The following PARP12 variants were observed in gnomAD, a reference collection of about 807,000 sequenced individuals.
PARP12 encodes protein mono-ADP-ribosyltransferase PARP12.
In PARP12, 59 loss-of-function variants were observed where a neutral mutation model predicts 72.4. The ratio of observed to expected loss-of-function variants is 0.81; its 90% CI spans 0.66 to 1.01. The LOEUF (loss-of-function observed/expected upper bound fraction) is 1.01, where lower values mean the gene tolerates loss of function less well. Ranked by LOEUF, PARP12 falls within the 50% of genes least tolerant of loss-of-function variation. The pLI is 0.00. For synonymous variants in PARP12, 403 were observed against 371.4 expected, an observed-to-expected ratio of 1.09 and a Z score of -0.98; for missense variants, 851 against 914.0, an observed-to-expected ratio of 0.93 and a Z score of 0.89.
chr7:140,043,249 G>C (rs567576016), intron 5 of PARP12, among the ~76,000 whole-genome samples: 1 of 152,100 alleles, frequency 6.6e-6, no homozygotes, highest in Non-Finnish European at 1.5e-5. Flanking sequence ...GCTCAAAATC[G>C]ATCACAAAAT....
intron 5 of PARP12, 85 bp downstream of exon 5, chr7:140,046,799 A>AGT (rs3216987): frequency 0.089 from 76,697 of 865,988 alleles, 2,741 homozygotes; most frequent in Middle Eastern, 0.14. Context: ...GGCTGCTCAC[A>AGT]GTGTGTGTGT....
At position 140,057,880 on chromosome 7, in the gene PARP12, G is replaced by A; in HGVS notation, c.462+19C>T. 1 of 1,613,854 alleles carries A rather than the reference G, an allele frequency of 6.2e-7. No individual in the cohort carries two copies. Among genetic ancestry groups the A allele is most frequent in the Non-Finnish European group, 8.5e-7 (1 of 1,179,952 alleles). On this transcript the variant is annotated intron_variant, in intron 2 of 11. Transcript: ENST00000263549. Reference sequence around the variant, plus strand: ...TGTCCCCAGGGAGCTGTGGAACCCAGACTTCCCCTGGCACTCACTTCTGGC... The same window carrying A: ...TGTCCCCAGGGAGCTGTGGAACCCAAACTTCCCCTGGCACTCACTTCTGGC...
Position 140,062,807 on chromosome 7 carries a change from A to C in PARP12, c.41T>G (p.Leu14Arg). The C allele has an allele frequency of 7.1e-7, 1 of 1,411,002 alleles. No individual in the cohort carries two copies. Among genetic ancestry groups the C allele is most frequent in the Non-Finnish European group, 9.3e-7 (1 of 1,080,002 alleles). 87.4% of individuals were successfully genotyped at this position (1,411,002 alleles called of 1,614,324 possible). The change falls in exon 1 of 12, where the codon CTG becomes CGG. Residue 14 changes from leucine (L) to arginine (R), a missense_variant. Around this residue, in one of 3 missense-constraint regions of PARP12, gnomAD observed 492 missense variants for 489.3 expected, o/e 1.01. Transcript: ENST00000263549. The stretch of plus-strand genomic sequence containing the variant: ...CTCCAGGGCGCCCCCGGCCGCGCAC[A>C]GCACCTGGGTGACCTCACCGACGAC... ...AGVVGEVTQVLCAAGGALELP... is the reference protein window; with the variant it reads ...AGVVGEVTQVRCAAGGALELP...
At chr7:140,028,917 G>A (rs1295316171) in intron 8 of PARP12, 9 of 369,128 alleles carry the variant, frequency 2.4e-5, no homozygotes, top group South Asian at 7.2e-5. Flanking sequence ...TCTATTTCTC[G>A]CCTGTGTCCC....
Position 140,056,968 on chromosome 7 carries a change from G to C in PARP12, c.648C>G (p.Ser216Arg), listed in dbSNP as rs10236999. The change falls in exon 3 of 12, where the codon AGC becomes AGG. Residue 216 changes from serine (S) to arginine (R), a missense_variant. Ser to Arg is a moderately radical substitution (Grantham distance 110). This residue lies in a region of PARP12 where 492 missense variants were observed against 489.3 expected (regional missense o/e 1.01). Transcript: ENST00000263549. ...NLEKLEKLGM[S>R]SDLVSRLPTI... The stretch of plus-strand genomic sequence containing the variant: ...TAGGCAGCCTGCTCACCAGGTCTGA[G>C]CTCATACCCAACTTCTCCAATTTTT... 6.2e-7 allele frequency: 1 copy of C among 1,614,188 alleles called. No homozygotes were observed.
rs772640936 is a variant in PARP12 at position 140,056,885 on chromosome 7, G to A, written c.731C>T (p.Pro244Leu). 6.2e-6 allele frequency: 10 copies of A among 1,610,644 alleles called. No individual in the cohort carries two copies. Among genetic ancestry groups the A allele is most frequent in the Non-Finnish European group, 8.5e-6 (10 of 1,178,968 alleles). ...AGTCCCCTGTGGGACAAAAAGAGGAGGCACTCTGCTGGGGGCAGAGCTCTT... is the reference window on the plus strand; with the variant it reads ...AGTCCCCTGTGGGACAAAAAGAGGAAGCACTCTGCTGGGGGCAGAGCTCTT... ...KNKSSAPSRV[P>L]PLFVPQGTSE... Residue 244 changes from proline (P) to leucine (L), a missense_variant, in exon 3 of 12, where the codon CCT becomes CTT. Physicochemically the swap from Pro to Leu is moderately conservative, Grantham distance 98 (BLOSUM62 -3). Around this residue, in one of 3 missense-constraint regions of PARP12, gnomAD observed 492 missense variants for 489.3 expected, o/e 1.01. Transcript: ENST00000263549.
intron 8 of PARP12, among the ~76,000 whole-genome samples, chr7:140,031,990 T>C (rs1815956398): frequency 6.6e-6 from 1 of 152,110 alleles, no homozygotes; most frequent in Admixed American, 6.5e-5. Flanking sequence ...GCCATTTATA[T>C]AACAAAACGA....
chr7:140,044,747 T>C (rs184674453), intron 5 of PARP12, among the ~76,000 whole-genome samples: 2 of 152,168 alleles, frequency 1.3e-5, no homozygotes, highest in Non-Finnish European at 2.9e-5. Flanking sequence ...TGAGGGAAAA[T>C]ACCCAGTAAA....
Position 140,024,903 on chromosome 7 carries a change from G to A in PARP12, c.1781-18C>T, listed in dbSNP as rs974343746. On this transcript the variant is annotated intron_variant, in intron 11 of 11. Transcript: ENST00000263549. ...GTAGCTCCCTGAAATGACACACGAG[G>A]GCTCAGCTGGTGGAGGGGCCTGCAG... The A allele has an allele frequency of 1.2e-6, 2 of 1,608,132 alleles. No individual in the cohort carries two copies. Among genetic ancestry groups the A allele is most frequent in the South Asian group, 1.1e-5 (1 of 90,762 alleles).
chr7:140,025,613 GAGAA>G (rs1286478041), intron 11 of PARP12: 5 of 450,536 alleles, frequency 1.1e-5, no homozygotes, highest in Non-Finnish European at 1.8e-5. Context: ...GAGAGGGAGA[GAGAA>G]AGAGAGAAGT....
Position 140,046,966 on chromosome 7 carries a change from G to A in PARP12, c.904C>T (p.Gln302Ter). 1 of 1,613,872 alleles carries A rather than the reference G, an allele frequency of 6.2e-7. No homozygotes were observed. The highest frequency in any genetic ancestry group is 8.5e-7 in the Non-Finnish European group (1 of 1,179,934). The change falls in exon 5 of 12, where the codon CAA becomes TAA. Residue 302 changes from glutamine to a stop codon, truncating the protein, a stop_gained. Transcript: ENST00000263549. LOFTEE classifies it high-confidence loss of function. ...RVHFHLPYRW[Q>*]FLDRGKWEDL... The stretch of plus-strand genomic sequence containing the variant: ...TCCCATTTGCCTCTATCCAAGAATT[G>A]CCATCGATACGGCAAATGGAAATGA...
At chr7:140,030,809 T>C (rs77355587) in intron 8 of PARP12, among the ~76,000 whole-genome samples, 6 of 152,362 alleles carry the variant, frequency 3.9e-5, no homozygotes, top group African/African-American at 1.2e-4. Flanking sequence ...TTTTATTCTT[T>C]TAGTTCAGCT....
chr7:140,025,893 G>A (rs954297794), intron 11 of PARP12, among the ~76,000 whole-genome samples: 1 of 152,188 alleles, frequency 6.6e-6, no homozygotes, highest in African/African-American at 2.4e-5. Context: ...GACTTCATCA[G>A]GGCTGGGAAG....
intron 1 of PARP12, among the ~76,000 whole-genome samples, chr7:140,062,025 G>A (rs1198670389): frequency 6.6e-6 from 1 of 151,712 alleles, no homozygotes; most frequent in Non-Finnish European, 1.5e-5. Context: ...GTCCTGGGTG[G>A]GCAGGGACCA....
rs370043019 is a variant in PARP12 at position 140,048,803 on chromosome 7, G to A, written c.863-1796C>T. Among the ~76,000 whole-genome samples, 23 of 152,194 alleles carry A rather than the reference G, an allele frequency of 1.5e-4. No individual in the cohort carries two copies. In the East Asian group the frequency reaches 2.3e-3, roughly 15 times the overall value. On this transcript the variant is annotated intron_variant, in intron 4 of 11. Transcript: ENST00000263549. Reference sequence around the variant, plus strand: ...GAAAAAGGTAGAAAGCCATGCTAGCGTGCCTGTGTAAGGAAACTGAACAGA... The same window carrying A: ...GAAAAAGGTAGAAAGCCATGCTAGCATGCCTGTGTAAGGAAACTGAACAGA...
chr7:140,058,045 G>A lies in PARP12; in HGVS notation c.327-11C>T. On this transcript the variant is annotated splice_polypyrimidine_tract_variant and intron_variant, in intron 1 of 11. Transcript: ENST00000263549. ...TTCCTACAGTTCTTCCTGCAAAGAAGCAGAGCTGGTGTTATATGTCGAATT... is the reference window on the plus strand; with the variant it reads ...TTCCTACAGTTCTTCCTGCAAAGAAACAGAGCTGGTGTTATATGTCGAATT... 6.2e-7 allele frequency: 1 copy of A among 1,614,176 alleles called. No homozygotes were observed. The highest frequency in any genetic ancestry group is 1.1e-5 in the South Asian group (1 of 91,086).
At chr7:140,026,709 TG>T (rs1375519180) in intron 10 of PARP12, among the ~76,000 whole-genome samples, 6 of 152,144 alleles carry the variant, frequency 3.9e-5, no homozygotes, top group African/African-American at 1.4e-4. Context: ...TTCAGGCTGC[TG>T]GTCAGTGGGT....
At position 140,025,288 on chromosome 7, in the gene PARP12, G is replaced by T. The variant is rs975396945; in HGVS notation, c.1781-403C>A. 81 of 296,876 alleles carry T rather than the reference G, an allele frequency of 2.7e-4. 1 individual carries two copies. Among genetic ancestry groups the T allele is most frequent in the Middle Eastern group, 8.1e-4 (1 of 1,236 alleles). 18.4% of individuals were successfully genotyped at this position (296,876 alleles called of 1,614,324 possible). On this transcript the variant is annotated intron_variant, in intron 11 of 11. Coordinates refer to ENST00000263549, the MANE Select transcript of PARP12 (RefSeq NM_022750.4). Reference sequence around the variant, plus strand: ...GAGATCCCATATACGGAAGCAGTCTGTAGACTCTGGCAGCCCAATGTATAG... The same window carrying T: ...GAGATCCCATATACGGAAGCAGTCTTTAGACTCTGGCAGCCCAATGTATAG...
intron 7 of PARP12, among the ~76,000 whole-genome samples, chr7:140,035,842 G>GGAGGGAAGAGGAGGAGGAGGGGGAA (rs1816128122): frequency 2.3e-5 from 2 of 86,986 alleles, no homozygotes; most frequent in African/African-American, 1.3e-4. Flanking sequence ...AAAAGAAGGA[G>GGAGGGAAGAGGAGGAGGAGGGGGAA]GAGGAAGAGG....
Sources: gnomAD v4.1 joint callset for allele counts (sites outside exome capture counted in the v4.1 genomes callset) on GRCh38, gnomAD v4.1.1 for gene constraint, gnomAD v4.1.1 regional missense constraint, MANE v1.5 for transcripts, NCBI Gene and HGNC (gene_info 2026-07-23, HGNC 2026-07-21) for gene names.